Variants in ALG14 observed in about 807,000 individuals in gnomAD.
The protein encoded by ALG14 is UDP-N-acetylglucosamine transferase subunit ALG14.
ALG14 carries 17 observed loss-of-function variants against 22.8 expected under a neutral mutation model. The ratio of observed to expected loss-of-function variants is 0.75; its 90% CI spans 0.51 to 1.12. The LOEUF (loss-of-function observed/expected upper bound fraction) is 1.12, where lower values mean the gene tolerates loss of function less well. Ranked by LOEUF, ALG14 falls within the 50% of genes most tolerant of loss-of-function variation. The pLI is 0.00. For synonymous variants in ALG14, 89 were observed against 103.7 expected (o/e 0.86, Z 0.86); for missense variants, 288 against 271.8 (o/e 1.06, Z -0.42).
At chr1:95,069,802 G>A (rs1030037039) in intron 1 of ALG14, among the ~76,000 whole-genome samples, 8 of 152,208 alleles carry the variant, frequency 5.3e-5, no homozygotes, top group East Asian at 1.9e-4. Flanking sequence ...TCCCCAGGGC[G>A]GGTCACAGAA....
intron 2 of ALG14, among the ~76,000 whole-genome samples, chr1:95,059,220 A>G (rs1415348376): frequency 6.6e-6 from 1 of 151,776 alleles, no homozygotes; most frequent in Non-Finnish European, 1.5e-5. Flanking sequence ...AACATGGGGA[A>G]ACCCCGTCTC....
intron 3 of ALG14, among the ~76,000 whole-genome samples, chr1:94,998,782 G>C (rs1342000692): frequency 2.0e-5 from 3 of 152,104 alleles, no homozygotes; most frequent in African/African-American, 7.2e-5. Context: ...TAACTCATAG[G>C]GTTACTGTGA....
Position 94,982,833 on chromosome 1 carries a change from A to T in ALG14, c.*243T>A. 2.5e-6 allele frequency: 1 copy of T among 395,516 alleles called. No individual in the cohort carries two copies. Among genetic ancestry groups the T allele is most frequent in the East Asian group, 4.8e-5 (1 of 20,816 alleles). 24.5% of individuals were successfully genotyped at this position (395,516 alleles called of 1,614,324 possible). On this transcript the variant is annotated 3_prime_UTR_variant, in exon 4 of 4. Transcript: ENST00000370205. ...TTTGCAGGTAGTAATACATATTTTT[A>T]TCTAGAAAAGAAATTTGGTTTACAG... is the stretch of plus-strand genomic sequence containing the variant.
chr1:95,071,076 T>G (rs912365038), intron 1 of ALG14, among the ~76,000 whole-genome samples: 1 of 152,162 alleles, frequency 6.6e-6, no homozygotes, highest in East Asian at 1.9e-4. Context: ...TAATCTCTCC[T>G]GTCCTCTCTC....
intron 3 of ALG14, among the ~76,000 whole-genome samples, chr1:95,003,131 C>T (rs960733942): frequency 4.6e-5 from 7 of 152,116 alleles, no homozygotes; most frequent in African/African-American, 1.4e-4. Context: ...GTTTAGGATT[C>T]GGTTTTATAT....
At position 95,039,895 on chromosome 1, in the gene ALG14, G is replaced by A. The variant is rs559966575; in HGVS notation, c.289-12635C>T. On this transcript the variant is annotated intron_variant, in intron 2 of 3. Coordinates refer to ENST00000370205, the MANE Select transcript of ALG14 (RefSeq NM_144988.4). Reference sequence around the variant, plus strand: ...GAAAGCCAGGTGTGAGATCTCTGCCGGGTGCAGTGACTCACGCCTGTAATC... The same window carrying A: ...GAAAGCCAGGTGTGAGATCTCTGCCAGGTGCAGTGACTCACGCCTGTAATC... 4.5e-4 allele frequency among the ~76,000 whole-genome samples: 68 copies of A among 152,128 alleles called. No individual in the cohort carries two copies. In the South Asian group the frequency reaches 4.6e-3, roughly 10 times the overall value.
Position 94,978,573 on chromosome 1 carries a change from G to A in ALG14, c.*4503C>T, listed in dbSNP as rs1324638289. 1 of 152,136 alleles carries A rather than the reference G, an allele frequency of 6.6e-6. No homozygotes were observed. Among genetic ancestry groups the A allele is most frequent in the Non-Finnish European group, 1.5e-5 (1 of 68,028 alleles). 9.4% of individuals were successfully genotyped at this position (152,136 alleles called of 1,614,324 possible). A position where few individuals can be genotyped will look rare whatever the true frequency, so the allele number is the denominator to read the frequency against. ...GTATATAACTCAGCACTAACCTTTG[G>A]TATGGGTGGCTATGTCACAGAGTTA... is the stretch of plus-strand genomic sequence containing the variant. On this transcript the variant is annotated 3_prime_UTR_variant, in exon 4 of 4. Coordinates refer to ENST00000370205, the MANE Select transcript of ALG14 (RefSeq NM_144988.4).
chr1:95,010,862 T>C (rs773933295), intron 3 of ALG14, among the ~76,000 whole-genome samples: 4 of 152,206 alleles, frequency 2.6e-5, no homozygotes, highest in Non-Finnish European at 4.4e-5. Context: ...TATCATTCCA[T>C]ATTTAGTAAA....
intron 3 of ALG14, among the ~76,000 whole-genome samples, chr1:95,013,305 T>C (rs1201319919): frequency 6.6e-6 from 1 of 152,076 alleles, no homozygotes; most frequent in Non-Finnish European, 1.5e-5. Flanking sequence ...TCTCTTTTGA[T>C]GGAAATAAGT....
At chr1:94,995,051 T>G (rs1052412571) in intron 3 of ALG14, among the ~76,000 whole-genome samples, 3 of 152,208 alleles carry the variant, frequency 2.0e-5, no homozygotes, top group African/African-American at 7.2e-5. Context: ...GTAAGTGATA[T>G]TTTTCCTGTG....
At chr1:95,062,799 CT>C in intron 2 of ALG14, among the ~76,000 whole-genome samples, 1 of 152,246 alleles carries the variant, frequency 6.6e-6, no homozygotes, top group Non-Finnish European at 1.5e-5. Flanking sequence ...ATTTACATTC[CT>C]TTGGGTATAT....
intron 2 of ALG14, among the ~76,000 whole-genome samples, chr1:95,044,141 A>G (rs1366383983): frequency 6.6e-6 from 1 of 151,714 alleles, no homozygotes. Context: ...AATTCTGTTA[A>G]CTCCACTTTC....
At chr1:95,067,533 G>A (rs927786244) in intron 1 of ALG14, 1 of 151,982 alleles carries the variant, frequency 6.6e-6, no homozygotes, top group Non-Finnish European at 1.5e-5. Flanking sequence ...ACTGAATAAA[G>A]TCATTAAAAT....
At chr1:94,990,934 T>C (rs1557940853) in intron 3 of ALG14, among the ~76,000 whole-genome samples, 1 of 152,262 alleles carries the variant, frequency 6.6e-6, no homozygotes, top group Non-Finnish European at 1.5e-5. Context: ...TCGATTATTC[T>C]GGTCTGGTCA....
intron 3 of ALG14, chr1:95,022,453 C>CA: frequency 2.6e-6 from 2 of 763,998 alleles, no homozygotes; most frequent in Non-Finnish European, 3.2e-6. Flanking sequence ...GGACTCTGAC[C>CA]ATCATCAGAC....
intron 3 of ALG14, 40 bp downstream of exon 3, chr1:95,027,088 AG>A: frequency 6.2e-7 from 1 of 1,608,358 alleles, no homozygotes. Context: ...AAAGATCTAC[AG>A]GGAGTTACTT....
intron 3 of ALG14, among the ~76,000 whole-genome samples, chr1:95,000,408 C>T (rs1352650745): frequency 6.6e-6 from 1 of 151,384 alleles, no homozygotes; most frequent in African/African-American, 2.4e-5. Flanking sequence ...GTGGCATGCA[C>T]CTGTGGTCTC....
chr1:95,018,364 C>T (rs1296064645), intron 3 of ALG14, among the ~76,000 whole-genome samples: 2 of 151,726 alleles, frequency 1.3e-5, no homozygotes, highest in African/African-American at 2.4e-5. Context: ...GGTGAAACCC[C>T]GCCTCTACTG....
chr1:95,049,005 C>A (rs1437363225), intron 2 of ALG14, among the ~76,000 whole-genome samples: 1 of 151,864 alleles, frequency 6.6e-6, no homozygotes, highest in African/African-American at 2.4e-5. Context: ...TATTATACAC[C>A]ATTAAAATAT....
Sources: allele counts gnomAD v4.1 joint callset (sites outside exome capture counted in the v4.1 genomes callset), GRCh38; gene constraint gnomAD v4.1.1; transcripts MANE v1.5; gene names NCBI Gene and HGNC (gene_info 2026-07-23, HGNC 2026-07-21).